PRPF8: variants seen among roughly 807,000 people sequenced by gnomAD.
The protein encoded by PRPF8 is pre-mRNA processing factor 8, also known as pre-mRNA-processing-splicing factor 8.
In PRPF8, 64 loss-of-function variants were observed where a neutral mutation model predicts 285.9. That is an observed-to-expected ratio of 0.22 (90% confidence interval 0.18 to 0.28). PRPF8 has a LOEUF of 0.28. PRPF8 is among the 10% of genes least tolerant of loss of function. PRPF8 has a pLI of 1.00. For missense variants in PRPF8, 1,426 were observed against 3,026.7 expected (o/e 0.47, Z 12.41); for synonymous variants, 1,325 against 1,118.2 (o/e 1.18, Z -3.69).
intron 24 of PRPF8, among the ~76,000 whole-genome samples, chr17:1,672,105 G>A (rs971560345): frequency 2.6e-5 from 4 of 152,078 alleles, no homozygotes; most frequent in Non-Finnish European, 4.4e-5. Context: ...AAACTCAACC[G>A]TAATGCAATA....
chr17:1,660,557 G>C lies in PRPF8; in HGVS notation c.4660C>G (p.Gln1554Glu). 1 of 1,614,212 alleles carries C rather than the reference G, an allele frequency of 6.2e-7. No individual in the cohort carries two copies. Among genetic ancestry groups the C allele is most frequent in the Non-Finnish European group, 8.5e-7 (1 of 1,180,048 alleles). ...ATGAAGATACCCGTCAGGTCTAGCTGCACCTGAAAGCCTACATATACCTGC... is the reference window on the plus strand; with the variant it reads ...ATGAAGATACCCGTCAGGTCTAGCTCCACCTGAAAGCCTACATATACCTGC... ...RANVYVGFQV[Q>E]LDLTGIFMHG... is the part of the protein sequence containing the mutation. The change falls in exon 30 of 43, where the codon CAG becomes GAG. Residue 1554 changes from glutamine (Q) to glutamate (E), a missense_variant. This residue lies in a region of PRPF8 where 15 missense variants were observed against 63.7 expected (regional missense o/e 0.24). Transcript: ENST00000304992.
chr17:1,682,960 C>G (rs1913017070), intron 3 of PRPF8: 1 of 187,806 alleles, frequency 5.3e-6, no homozygotes, highest in African/African-American at 2.4e-5. Context: ...CCACTCTGGA[C>G]TTCAACCAGC....
At chr17:1,670,277 C>T (rs1390940109) in intron 24 of PRPF8, among the ~76,000 whole-genome samples, 1 of 152,170 alleles carries the variant, frequency 6.6e-6, no homozygotes, top group Non-Finnish European at 1.5e-5. Context: ...ATTTCTTTAT[C>T]TTCGATCCTA....
intron 24 of PRPF8, 46 bp from the exon 25 acceptor site, chr17:1,662,199 G>C (rs756156354): frequency 2.5e-6 from 4 of 1,610,346 alleles, no homozygotes; most frequent in Non-Finnish European, 3.4e-6. Flanking sequence ...AGCCAGGGGC[G>C]GGGAGGGTGG....
chr17:1,660,605 T>A (rs1597232224), intron 29 of PRPF8, 27 bp from the exon 30 acceptor site: 1 of 1,614,172 alleles, frequency 6.2e-7, no homozygotes. Flanking sequence ...AATGTGACAT[T>A]AGAGATCAAG....
chr17:1,676,607 G>T lies in PRPF8; in HGVS notation c.2286C>A (p.Arg762=). 1 of 1,614,156 alleles carries T rather than the reference G, an allele frequency of 6.2e-7. No individual in the cohort carries two copies. The highest frequency in any genetic ancestry group is 8.5e-7 in the Non-Finnish European group (1 of 1,180,046). The change falls in exon 16 of 43, where the codon CGC becomes CGA. Residue 762 remains arginine (R), a synonymous_variant. Coordinates refer to ENST00000304992, the MANE Select transcript of PRPF8 (RefSeq NM_006445.4). The surrounding 1 kb of genome is among the most constrained non-coding windows in gnomAD (Gnocchi z 6.3). ...CAGTCTTGTCCACAGTGGCCCCTCGGCGGATCCGTTCTCGGTTGTAGTGGG... is the reference window on the plus strand; with the variant it reads ...CAGTCTTGTCCACAGTGGCCCCTCGTCGGATCCGTTCTCGGTTGTAGTGGG... ...NTAHYNRERI[R]RGATVDKTVC... is the part of the protein sequence containing the mutation.
intron 24 of PRPF8, among the ~76,000 whole-genome samples, chr17:1,662,979 G>A (rs781717684): frequency 2.0e-5 from 3 of 151,988 alleles, no homozygotes. Context: ...AAAGATAAAG[G>A]CTGTTCAAAG....
chr17:1,660,701 G>A lies in PRPF8; in HGVS notation c.4635C>T (p.Ala1545=). 6.2e-7 allele frequency: 1 copy of A among 1,614,168 alleles called. No homozygotes were observed. The highest frequency in any genetic ancestry group is 1.1e-5 in the South Asian group (1 of 91,090). The stretch of plus-strand genomic sequence containing the variant: ...CTCCAGTGTCAATCACACTCACATT[G>A]GCTCGATTAATGGTCGGGGACCACC... ...TLWWSPTINR[A]NVYVGFQVQL... Residue 1545 remains alanine, a synonymous_variant, in exon 29 of 43, where the codon GCC becomes GCT. Coordinates refer to ENST00000304992, the MANE Select transcript of PRPF8 (RefSeq NM_006445.4).
intron 34 of PRPF8, among the ~76,000 whole-genome samples, chr17:1,657,784 C>G (rs188922295): frequency 6.7e-6 from 1 of 150,066 alleles, no homozygotes; most frequent in African/African-American, 2.5e-5. Flanking sequence ...CTGGCTAACA[C>G]GTTGAAACCC....
intron 2 of PRPF8, 54 bp downstream of exon 2, chr17:1,684,418 C>T: frequency 1.3e-6 from 2 of 1,590,326 alleles, no homozygotes; most frequent in Non-Finnish European, 1.7e-6. Flanking sequence ...CGCCTGCGCG[C>T]GCGCACACCC....
In PRPF8 at chr17:1,661,782, T is replaced by G; in HGVS notation, c.4031A>C (p.Lys1344Thr). The G allele has an allele frequency of 6.2e-7, 1 of 1,614,226 alleles. No individual in the cohort carries two copies. The highest frequency in any genetic ancestry group is 8.5e-7 in the Non-Finnish European group (1 of 1,180,048). Reference sequence around the variant, plus strand: ...GTGTGTGATACCTACATCTGTCTGTTTGGACCACCTGTTTGGGTGTACAAC... The same window carrying G: ...GTGTGTGATACCTACATCTGTCTGTGTGGACCACCTGTTTGGGTGTACAAC... ...LIPQSDLRWS[K>T]QTDVGITHFR... Residue 1344 changes from lysine (K) to threonine (T), a missense_variant, in exon 26 of 43, where the codon AAA (lysine) becomes ACA (threonine). Physicochemically the swap from Lys to Thr is moderately conservative, Grantham distance 78. Around this residue, in one of 34 missense-constraint regions of PRPF8, gnomAD observed 16 missense variants for 16.3 expected, o/e 0.98. Coordinates refer to ENST00000304992, the MANE Select transcript of PRPF8 (RefSeq NM_006445.4). This position sits in a 1 kb window ranked among gnomAD's most constrained non-coding sequence, Gnocchi z 7.3.
rs1912426149 is a variant in PRPF8 at position 1,673,285 on chromosome 17, A to T, written c.3657+72T>A. ...GCCCACCACTCAAGTCTTTCCACCC[A>T]ACAAGACTCCGGTGACTGACCCAGG... On this transcript the variant is annotated intron_variant, in intron 23 of 42. Coordinates refer to ENST00000304992, the MANE Select transcript of PRPF8 (RefSeq NM_006445.4). This position sits in a 1 kb window ranked among gnomAD's most constrained non-coding sequence, Gnocchi z 5.5. The T allele has an allele frequency of 6.2e-7, 1 of 1,604,858 alleles. No homozygotes were observed. Among genetic ancestry groups the T allele is most frequent in the Non-Finnish European group, 8.5e-7 (1 of 1,172,240 alleles).
In PRPF8 at chr17:1,651,127, C is replaced by A; in HGVS notation, c.6834G>T (p.Ser2278=). 6.2e-7 allele frequency: 1 copy of A among 1,614,128 alleles called. No individual in the cohort carries two copies. The highest frequency in any genetic ancestry group is 1.3e-5 in the African/African-American group (1 of 75,014). Residue 2278 remains serine (S), a synonymous_variant, in exon 42 of 43, where the codon TCG becomes TCT. Coordinates refer to ENST00000304992, the MANE Select transcript of PRPF8 (RefSeq NM_006445.4). This position sits in a 1 kb window ranked among gnomAD's most constrained non-coding sequence, Gnocchi z 5.1. ...LGFFMVPAQS[S]WNYNFMGVRH... ...ACTTACCCATGAAGTTGTAGTTCCA[C>A]GAGGACTGGGCAGGGACCATGAAGA...
At chr17:1,663,528 G>A (rs561108619) in intron 24 of PRPF8, among the ~76,000 whole-genome samples, 14 of 294 alleles carry the variant, frequency 0.048, no homozygotes, top group East Asian at 0.46. Flanking sequence ...ACAGCATGGT[G>A]AGACCCCCCG....
rs747118740 is a variant in PRPF8, at chr17:1,676,301, G to A, written c.2458C>T (p.Arg820Cys). ...GGGAATGGGATGGGTGAAAACCTGC[G>A]GCTTTCCAACCAATGCACTGTGGTG... ...YTTTVHWLES[R>C]RFSPIPFPPL... Residue 820 changes from arginine (R) to cysteine (C), a missense_variant, in exon 17 of 43, where the codon CGC becomes TGC. This residue lies in a region of PRPF8 where 70 missense variants were observed against 273.7 expected (regional missense o/e 0.26). Transcript: ENST00000304992. This position sits in a 1 kb window ranked among gnomAD's most constrained non-coding sequence, Gnocchi z 6.3. 9.3e-6 allele frequency: 15 copies of A among 1,613,962 alleles called. No homozygotes were observed. Among genetic ancestry groups the A allele is most frequent in the East Asian group, 2.2e-5 (1 of 44,904 alleles).
intron 13 of PRPF8, 74 bp downstream of exon 13, chr17:1,678,444 T>A: frequency 6.3e-7 from 1 of 1,598,828 alleles, no homozygotes; most frequent in Non-Finnish European, 8.6e-7. Flanking sequence ...GATCGTGCCA[T>A]TGCACACCAG....
chr17:1,681,008 G>A lies in PRPF8; in HGVS notation c.913C>T (p.Arg305Trp), dbSNP rs1037345206. ...EFNDINKIIIRQPIRTEYKIA... is the reference protein window; with the variant it reads ...EFNDINKIIIWQPIRTEYKIA... ...TTGTACTCAGTGCGGATAGGCTGCC[G>A]GATGATAATCTTGTTAATATCATTG... The change falls in exon 7 of 43, where the codon CGG (arginine) becomes TGG (tryptophan). Residue 305 changes from arginine to tryptophan, a missense_variant. Coordinates refer to ENST00000304992, the MANE Select transcript of PRPF8 (RefSeq NM_006445.4). 2 of 1,613,008 alleles carry A rather than the reference G, an allele frequency of 1.2e-6. No homozygotes were observed. Among genetic ancestry groups the A allele is most frequent in the Admixed American group, 1.7e-5 (1 of 60,002 alleles).
At chr17:1,684,233 TC>T (rs995350008) in intron 2 of PRPF8, among the ~76,000 whole-genome samples, 1 of 152,188 alleles carries the variant, frequency 6.6e-6, no homozygotes, top group African/African-American at 2.4e-5. Flanking sequence ...TCTCTGTCTC[TC>T]CCGCTGTAAT....
chr17:1,668,437 C>T (rs2151121795), intron 24 of PRPF8, among the ~76,000 whole-genome samples: 1 of 148,038 alleles, frequency 6.8e-6, no homozygotes, highest in East Asian at 2.0e-4. Context: ...TCTCGGTTCA[C>T]TGCAAGCTCT....
Sources: allele counts gnomAD v4.1 joint callset (sites outside exome capture counted in the v4.1 genomes callset), GRCh38; gene constraint gnomAD v4.1.1; regional missense constraint gnomAD v4.1.1; non-coding constraint Gnocchi (gnomAD v3.1); transcripts MANE v1.5; gene names NCBI Gene and HGNC (gene_info 2026-07-23, HGNC 2026-07-21).